Variants in KCNIP1 observed in about 807,000 individuals in gnomAD.
KCNIP1 encodes potassium voltage-gated channel interacting protein 1.
A neutral mutation model predicts 33.0 loss-of-function variants in KCNIP1; 18 were observed. The ratio of observed to expected loss-of-function variants is 0.55; its 90% CI spans 0.38 to 0.81. KCNIP1 has a LOEUF of 0.81. Among genes scored for constraint, KCNIP1 ranks in the 30% least tolerant of loss-of-function variants. The pLI, the probability that KCNIP1 is intolerant of heterozygous loss-of-function variation, is 0.00. For missense variants in KCNIP1, 238 were observed against 271.6 expected (o/e 0.88, Z 0.87); for synonymous variants, 93 against 98.3 (o/e 0.95, Z 0.32).
At chr5:170,452,156 T>C (rs80059764) in intron 1 of KCNIP1, among the ~76,000 whole-genome samples, 10,866 of 151,992 alleles carry the variant, frequency 0.071, 479 homozygotes, top group South Asian at 0.11. Context: ...AGGCTTTGAG[T>C]GTGGATTAGA....
chr5:170,723,109 C>T (rs1470544612), intron 5 of KCNIP1, among the ~76,000 whole-genome samples: 2 of 152,154 alleles, frequency 1.3e-5, no homozygotes, highest in African/African-American at 4.8e-5. Context: ...AAGAGTTACT[C>T]TTCCCTAGGG....
At chr5:170,593,234 A>G (rs545232792) in intron 1 of KCNIP1, among the ~76,000 whole-genome samples, 1 of 152,208 alleles carries the variant, frequency 6.6e-6, no homozygotes, top group Non-Finnish European at 1.5e-5. Context: ...GGGAGAGACA[A>G]CAGAGACAGT....
intron 1 of KCNIP1, among the ~76,000 whole-genome samples, chr5:170,390,517 A>AAAAAATATATATATATATATATAT: frequency 1.3e-5 from 1 of 74,542 alleles, no homozygotes; most frequent in African/African-American, 6.4e-5. Flanking sequence ...AAAAAAAACA[A>AAAAAATATATATATATATATATAT]ATATATATAT....
chr5:170,699,768 C>T (rs986513672), intron 1 of KCNIP1, among the ~76,000 whole-genome samples: 2 of 152,072 alleles, frequency 1.3e-5, no homozygotes, highest in Admixed American at 1.3e-4. Context: ...AACACACTTC[C>T]TTCCCCTTCC....
chr5:170,572,899 TC>T (rs1757472106), intron 1 of KCNIP1, among the ~76,000 whole-genome samples: 1 of 152,262 alleles, frequency 6.6e-6, no homozygotes, highest in Non-Finnish European at 1.5e-5. Flanking sequence ...TTTACTCTAT[TC>T]CGGATACGGT....
intron 1 of KCNIP1, among the ~76,000 whole-genome samples, chr5:170,401,625 G>C (rs1176018286): frequency 1.3e-5 from 2 of 152,112 alleles, no homozygotes; most frequent in African/African-American, 4.8e-5. Flanking sequence ...AGCCAGGCAT[G>C]GTGGCGCATG....
chr5:170,677,244 G>A (rs1389002756), intron 1 of KCNIP1, among the ~76,000 whole-genome samples: 1 of 152,214 alleles, frequency 6.6e-6, no homozygotes, highest in Non-Finnish European at 1.5e-5. Context: ...GCACAGAGAA[G>A]TTAAGTAACT....
At chr5:170,395,330 G>A (rs543858885) in intron 1 of KCNIP1, among the ~76,000 whole-genome samples, 28 of 152,198 alleles carry the variant, frequency 1.8e-4, no homozygotes, top group African/African-American at 6.5e-4. Context: ...GGTTTAATTT[G>A]CATTTCTCTG....
chr5:170,579,829 G>A (rs376058756), intron 1 of KCNIP1, among the ~76,000 whole-genome samples: 13 of 152,110 alleles, frequency 8.5e-5, no homozygotes, highest in Admixed American at 2.6e-4. Flanking sequence ...AGCATTCTCC[G>A]CCTCTCTCCT....
chr5:170,652,527 AAAAAG>A (rs70979194), intron 1 of KCNIP1, among the ~76,000 whole-genome samples: 21,616 of 111,724 alleles, frequency 0.19, 2,460 homozygotes, highest in Middle Eastern at 0.22. Flanking sequence ...GGAGAAAAGA[AAAAAG>A]AAAAGAAAAG....
intron 1 of KCNIP1, among the ~76,000 whole-genome samples, chr5:170,599,295 C>T (rs1042971087): frequency 5.3e-5 from 8 of 152,054 alleles, no homozygotes; most frequent in African/African-American, 1.4e-4. Flanking sequence ...AAGTTGTCAC[C>T]GCAGCACACC....
chr5:170,616,324 C>T, intron 1 of KCNIP1, among the ~76,000 whole-genome samples: 1 of 143,572 alleles, frequency 7.0e-6, no homozygotes, highest in East Asian at 2.1e-4. Flanking sequence ...GCCAGGCACA[C>T]TGAGGTGGGC....
intron 1 of KCNIP1, among the ~76,000 whole-genome samples, chr5:170,475,839 C>T (rs1243642727): frequency 6.6e-6 from 1 of 152,160 alleles, no homozygotes; most frequent in African/African-American, 2.4e-5. Context: ...TGATCCTATT[C>T]CCAGCTCAGA....
At chr5:170,697,358 T>C (rs875184) in intron 1 of KCNIP1, among the ~76,000 whole-genome samples, 103,147 of 152,164 alleles carry the variant, frequency 0.68, 35,792 homozygotes, top group East Asian at 0.94. Context: ...ACCTGTCCTG[T>C]TCATCACTGT....
chr5:170,691,963 G>T (rs1254815863), intron 1 of KCNIP1, among the ~76,000 whole-genome samples: 1 of 152,176 alleles, frequency 6.6e-6, no homozygotes, highest in Non-Finnish European at 1.5e-5. Context: ...ATTCCCCACT[G>T]CTTCCTCCAA....
At chr5:170,697,013 C>G (rs146159659) in intron 1 of KCNIP1, among the ~76,000 whole-genome samples, 33 of 152,084 alleles carry the variant, frequency 2.2e-4, no homozygotes, top group Non-Finnish European at 4.3e-4. Flanking sequence ...TAGAATCTGC[C>G]TCTGTCTCTC....
chr5:170,714,684 G>T (rs534145923), intron 1 of KCNIP1, among the ~76,000 whole-genome samples: 1 of 151,792 alleles, frequency 6.6e-6, no homozygotes, highest in African/African-American at 2.4e-5. Context: ...TTAAAAAAAG[G>T]GTTTTAAAAG....
intron 1 of KCNIP1, among the ~76,000 whole-genome samples, chr5:170,550,075 G>A (rs1378973454): frequency 6.6e-6 from 1 of 152,176 alleles, no homozygotes; most frequent in East Asian, 1.9e-4. Context: ...GAAGTAGCAA[G>A]TGCCTAGAAT....
At chr5:170,730,818 T>G (rs1364159420) in intron 5 of KCNIP1, among the ~76,000 whole-genome samples, 1 of 149,562 alleles carries the variant, frequency 6.7e-6, no homozygotes, top group Non-Finnish European at 1.5e-5. Flanking sequence ...TACTTTATTA[T>G]GCTGAAGGTA....
Sources: gnomAD v4.1 joint callset for allele counts (sites outside exome capture counted in the v4.1 genomes callset) on GRCh38, gnomAD v4.1.1 for gene constraint, MANE v1.5 for transcripts, NCBI Gene and HGNC (gene_info 2026-07-23, HGNC 2026-07-21) for gene names.